Variants in IQSEC1 observed in about 807,000 individuals in gnomAD.
The protein encoded by IQSEC1 is IQ motif and SEC7 domain-containing protein 1.
A neutral mutation model predicts 91.0 loss-of-function variants in IQSEC1; 31 were observed. The observed-to-expected ratio is 0.34, with a 90% CI of 0.26 to 0.46. IQSEC1 has a LOEUF of 0.46. IQSEC1 is among the 20% of genes least tolerant of loss of function. IQSEC1 has a pLI of 1.00. For missense variants in IQSEC1, 1,388 were observed against 1,575.6 expected (o/e 0.88, Z 2.02); for synonymous variants, 699 against 662.6 (o/e 1.05, Z -0.84).
intron 1 of IQSEC1, among the ~76,000 whole-genome samples, chr3:13,021,131 A>C (rs1703376627): frequency 6.6e-6 from 1 of 152,310 alleles, no homozygotes; most frequent in Admixed American, 6.5e-5. Context: ...GCTGCCCCTA[A>C]GCCCTTCCAT....
At chr3:13,125,778 C>T (rs1706502535) in intron 2 of IQSEC1, among the ~76,000 whole-genome samples, 1 of 152,212 alleles carries the variant, frequency 6.6e-6, no homozygotes, top group South Asian at 2.1e-4. Context: ...CCTCTGCCAC[C>T]CTATGCCCTG....
At position 12,936,477 on chromosome 3, in the gene IQSEC1, C is replaced by T; in HGVS notation, c.539G>A (p.Gly180Glu). The T allele has an allele frequency of 6.2e-7, 1 of 1,611,768 alleles. No homozygotes were observed. The highest frequency in any genetic ancestry group is 8.5e-7 in the Non-Finnish European group (1 of 1,178,592). Reference protein sequence around the residue: ...PEKVHSSYFEGKQVSVTNDGS... With the variant: ...PEKVHSSYFEEKQVSVTNDGS... ...GTCGTTAGTCACTGAGACCTGCTTC[C>T]CCTCGAAGTAGGAGCTGTGCACTTT... Residue 180 changes from glycine (G) to glutamate (E), a missense_variant, in exon 3 of 14, where the codon GGG (glycine) becomes GAG (glutamate). Gly to Glu is a moderately conservative substitution (Grantham distance 98). This residue lies in a region of IQSEC1 where 1,059 missense variants were observed against 1,317.8 expected (regional missense o/e 0.80). Coordinates refer to ENST00000613206, the MANE Select transcript of IQSEC1 (RefSeq NM_001134382.3).
At chr3:12,964,479 G>T (rs549704413) in intron 1 of IQSEC1, among the ~76,000 whole-genome samples, 63 of 152,290 alleles carry the variant, frequency 4.1e-4, no homozygotes, top group African/African-American at 1.4e-3. Flanking sequence ...AAAATCCAGC[G>T]GGTCATTGGT....
At chr3:13,042,570 C>G (rs1273474201) in intron 1 of IQSEC1, 1 of 152,518 alleles carries the variant, frequency 6.6e-6, no homozygotes, top group African/African-American at 2.4e-5. Flanking sequence ...CCTAGCAACT[C>G]ATTCACGCAG....
chr3:13,152,391 TTTA>T (rs1707014556), intron 2 of IQSEC1, among the ~76,000 whole-genome samples: 1 of 152,062 alleles, frequency 6.6e-6, no homozygotes, highest in South Asian at 2.1e-4. Flanking sequence ...TAAATGAATG[TTTA>T]GAAATATTAA....
At chr3:13,138,481 G>A (rs1402974610) in intron 2 of IQSEC1, among the ~76,000 whole-genome samples, 1 of 152,046 alleles carries the variant, frequency 6.6e-6, no homozygotes, top group Non-Finnish European at 1.5e-5. Context: ...AGCCGGCCCA[G>A]CTCCTTGCTG....
At chr3:13,114,252 T>C (rs946874384) in intron 2 of IQSEC1, among the ~76,000 whole-genome samples, 6 of 152,214 alleles carry the variant, frequency 3.9e-5, no homozygotes, top group South Asian at 2.1e-4. Context: ...GTGGTGTTTT[T>C]CTCGGGTGTG....
At chr3:13,163,981 G>T (rs531571819) in intron 2 of IQSEC1, among the ~76,000 whole-genome samples, 2 of 152,208 alleles carry the variant, frequency 1.3e-5, no homozygotes, top group South Asian at 4.1e-4. Flanking sequence ...GCTGAAGGGG[G>T]CAGCCAGGGG....
chr3:13,101,714 C>G (rs1278737011), intron 2 of IQSEC1, among the ~76,000 whole-genome samples: 1 of 152,082 alleles, frequency 6.6e-6, no homozygotes, highest in Non-Finnish European at 1.5e-5. Context: ...GTGGGGCCTC[C>G]AGGTAGAAAC....
At chr3:13,003,504 T>C (rs1422168459) in intron 1 of IQSEC1, among the ~76,000 whole-genome samples, 1 of 152,158 alleles carries the variant, frequency 6.6e-6, no homozygotes, top group Non-Finnish European at 1.5e-5. Context: ...AATGGGTATG[T>C]GGTTTATTTT....
Position 13,193,745 on chromosome 3 carries a change from C to T in IQSEC1, c.273-29612G>A, listed in dbSNP as rs1439630300. On this transcript the variant is annotated intron_variant, in intron 1 of 15. Coordinates refer to the IQSEC1 transcript ENST00000648114. This position sits in a 1 kb window ranked among gnomAD's most constrained non-coding sequence, Gnocchi z 4.2. Reference sequence around the variant, plus strand: ...CCAACGGGCTCTCCCTGGACACATGCTGTGCTGGACGCTGTCCCACTTCCC... The same window carrying T: ...CCAACGGGCTCTCCCTGGACACATGTTGTGCTGGACGCTGTCCCACTTCCC... 6.6e-6 allele frequency among the ~76,000 whole-genome samples: 1 copy of T among 152,158 alleles called. No homozygotes were observed. Among genetic ancestry groups the T allele is most frequent in the Non-Finnish European group, 1.5e-5 (1 of 68,030 alleles).
rs886711199 is a variant in IQSEC1 at position 12,936,719 on chromosome 3, G to A, written c.319-22C>T. 4 of 1,548,530 alleles carry A rather than the reference G, an allele frequency of 2.6e-6. No homozygotes were observed. In the African/African-American group the frequency reaches 4.1e-5, roughly 16 times the overall value. On this transcript the variant is annotated intron_variant, in intron 2 of 13. Transcript: ENST00000613206. ...CCACCTGCGGGTGGGAGAGGAGAAT[G>A]AGAACAGCACTGCATGTAGGCACAG...
At chr3:13,109,775 C>G (rs922176992) in intron 2 of IQSEC1, among the ~76,000 whole-genome samples, 2 of 147,528 alleles carry the variant, frequency 1.4e-5, no homozygotes, top group Admixed American at 1.4e-4. Context: ...CCTGCAGAAC[C>G]ATGAGCTGAT....
intron 1 of IQSEC1, among the ~76,000 whole-genome samples, chr3:12,952,612 C>G (rs1699626210): frequency 6.6e-6 from 1 of 152,202 alleles, no homozygotes; most frequent in Non-Finnish European, 1.5e-5. Context: ...GGAGACTCTG[C>G]AGGACCCAGC....
chr3:13,229,937 G>A (rs1484124991), intron 1 of IQSEC1, among the ~76,000 whole-genome samples: 1 of 152,204 alleles, frequency 6.6e-6, no homozygotes, highest in African/African-American at 2.4e-5. Context: ...CTGCTTTGAA[G>A]TTTGAGTTAA....
At chr3:13,152,849 G>A (rs547156626) in intron 2 of IQSEC1, among the ~76,000 whole-genome samples, 5 of 152,234 alleles carry the variant, frequency 3.3e-5, no homozygotes, top group African/African-American at 9.6e-5. Context: ...CAGCCTGGGT[G>A]ATAGAGCAAG....
At chr3:13,107,175 C>T (rs1332964677) in intron 2 of IQSEC1, among the ~76,000 whole-genome samples, 2 of 152,142 alleles carry the variant, frequency 1.3e-5, no homozygotes, top group East Asian at 1.9e-4. Flanking sequence ...CATCCACTCC[C>T]GAGAGATGTC....
At chr3:13,105,129 T>C (rs538896901) in intron 2 of IQSEC1, among the ~76,000 whole-genome samples, 2 of 152,108 alleles carry the variant, frequency 1.3e-5, no homozygotes, top group Non-Finnish European at 2.9e-5. Context: ...GCATTCAAGG[T>C]CTTTCATGGT....
chr3:13,110,537 C>T (rs1408375996), intron 2 of IQSEC1, among the ~76,000 whole-genome samples: 2 of 152,270 alleles, frequency 1.3e-5, no homozygotes, highest in South Asian at 2.1e-4. Context: ...TGCAGCGAGC[C>T]GAGATCGCGC....
Sources: gnomAD v4.1 joint callset for allele counts (sites outside exome capture counted in the v4.1 genomes callset) on GRCh38, gnomAD v4.1.1 for gene constraint, gnomAD v4.1.1 regional missense constraint, Gnocchi (gnomAD v3.1) non-coding constraint, MANE v1.5 for transcripts, NCBI Gene and HGNC (gene_info 2026-07-23, HGNC 2026-07-21) for gene names.